Variants in LIPF observed in about 807,000 individuals in gnomAD.
LIPF encodes the protein gastric triacylglycerol lipase.
LIPF carries 25 observed loss-of-function variants against 38.0 expected under a neutral mutation model. The ratio of observed to expected loss-of-function variants is 0.66; its 90% CI spans 0.48 to 0.92. The LOEUF (loss-of-function observed/expected upper bound fraction) is 0.92, where lower values mean the gene tolerates loss of function less well. Ranked by LOEUF, LIPF falls within the 40% of genes least tolerant of loss-of-function variation. The pLI, the probability that LIPF is intolerant of heterozygous loss-of-function variation, is 0.00. For missense variants in LIPF, 410 were observed against 469.9 expected (o/e 0.87, Z 1.18); for synonymous variants, 161 against 156.2 (o/e 1.03, Z -0.23).
chr10:88,676,326 C>A, intron 9 of LIPF, 46 bp downstream of exon 9: 2 of 1,130,722 alleles, frequency 1.8e-6, no homozygotes, highest in Non-Finnish European at 2.6e-6. Flanking sequence ...AACAACAATA[C>A]TAACTATTTA....
intron 7 of LIPF, among the ~76,000 whole-genome samples, chr10:88,674,231 C>T (rs1293571853): frequency 9.9e-5 from 15 of 152,154 alleles, no homozygotes; most frequent in African/African-American, 3.4e-4. Flanking sequence ...TGCAGTGGCG[C>T]AATCTCGGCT....
rs1309772154 is a variant in LIPF, at chr10:88,669,884, T to C, written c.470T>C (p.Ile157Thr). The change falls in exon 5 of 10, where the codon ATT becomes ACT. Residue 157 changes from isoleucine to threonine, a missense_variant. Transcript: ENST00000238983. ...KYDLPATIDF[I>T]VKKTGQKQLH... The stretch of plus-strand genomic sequence containing the variant: ...GACCTTCCAGCCACAATCGACTTCA[T>C]TGTAAAGAAAACTGGACAGAAGCAG... 6.2e-7 allele frequency: 1 copy of C among 1,613,704 alleles called. No homozygotes were observed. The highest frequency in any genetic ancestry group is 8.5e-7 in the Non-Finnish European group (1 of 1,179,692).
chr10:88,667,595 C>A lies in LIPF; in HGVS notation c.132C>A (p.Tyr44Ter), dbSNP rs897792600. Residue 44 changes from tyrosine (Y) to a stop codon, truncating the protein, a stop_gained, in exon 3 of 10, where the codon TAC becomes TAA. Coordinates refer to ENST00000238983, the MANE Select transcript of LIPF (RefSeq NM_004190.4). LOFTEE classifies it high-confidence loss of function. Reference protein sequence around the residue: ...NISQMITYWGYPNEEYEVVTE... With the variant: ...NISQMITYWG The stretch of plus-strand genomic sequence containing the variant: ...GTCAGATGATTACTTATTGGGGATA[C>A]CCAAATGAAGAATATGAAGTTGTGA... The A allele has an allele frequency of 1.3e-6, 2 of 1,596,632 alleles. No individual in the cohort carries two copies. Among genetic ancestry groups the A allele is most frequent in the Non-Finnish European group, 1.7e-6 (2 of 1,165,350 alleles).
At chr10:88,675,456 T>C in intron 7 of LIPF, 130 bp from the exon 8 acceptor site, 1 of 701,928 alleles carries the variant, frequency 1.4e-6, no homozygotes, top group Non-Finnish European at 2.5e-6. Flanking sequence ...AAATGTGTTG[T>C]TCATATCCTT....
intron 3 of LIPF, among the ~76,000 whole-genome samples, chr10:88,668,021 A>G (rs763167954): frequency 5.3e-5 from 8 of 152,200 alleles, no homozygotes; most frequent in Non-Finnish European, 1.0e-4. Context: ...AAGGGAGTCA[A>G]GGAAAGCTCA....
intron 7 of LIPF, among the ~76,000 whole-genome samples, chr10:88,673,996 G>C (rs1051450026): frequency 5.3e-5 from 8 of 152,072 alleles, no homozygotes; most frequent in Non-Finnish European, 1.2e-4. Context: ...TAAATACTAG[G>C]TGTTACATTT....
intron 9 of LIPF, among the ~76,000 whole-genome samples, chr10:88,676,739 G>T (rs1000974982): frequency 6.6e-6 from 1 of 152,182 alleles, no homozygotes; most frequent in South Asian, 2.1e-4. Context: ...TGCCGTGCTT[G>T]CAGGTCAAGG....
At chr10:88,673,497 C>T (rs961744091) in intron 6 of LIPF, 91 bp from the exon 7 acceptor site, 7 of 923,838 alleles carry the variant, frequency 7.6e-6, no homozygotes, top group Non-Finnish European at 1.0e-5. Flanking sequence ...TCATCATCCT[C>T]ATCACACATG....
At chr10:88,667,928 TATA>T (rs1841539597) in intron 3 of LIPF, among the ~76,000 whole-genome samples, 1 of 152,192 alleles carries the variant, frequency 6.6e-6, no homozygotes. Context: ...AATGAGTGAT[TATA>T]ATAATATGTG....
Position 88,668,597 on chromosome 10 carries a change from C to T in LIPF, c.263C>T (p.Ala88Val), listed in dbSNP as rs774364374. ...GTGTTTTTGCAGCATGGTTTGCTTG[C>T]ATCAGCCACAAACTGGATTTCCAAC... is the stretch of plus-strand genomic sequence containing the variant. ...PVVFLQHGLL[A>V]SATNWISNLP... The change falls in exon 4 of 10, where the codon GCA (alanine) becomes GTA (valine). Residue 88 changes from alanine to valine, a missense_variant. Coordinates refer to ENST00000238983, the MANE Select transcript of LIPF (RefSeq NM_004190.4). 7 of 1,614,174 alleles carry T rather than the reference C, an allele frequency of 4.3e-6. No homozygotes were observed. In the South Asian group the frequency reaches 7.7e-5, roughly 18 times the overall value.
chr10:88,669,029 C>A (rs1841556182), intron 4 of LIPF: 2 of 348,740 alleles, frequency 5.7e-6, no homozygotes, highest in East Asian at 9.5e-5. Context: ...AGGAAACTCA[C>A]AGCCCCTGGA....
chr10:88,671,719 A>C, intron 5 of LIPF, 110 bp from the exon 6 acceptor site: 1 of 1,438,790 alleles, frequency 7.0e-7, no homozygotes, highest in South Asian at 1.6e-5. Context: ...AGGCTGTCTC[A>C]AACACCATCC....
In LIPF at chr10:88,667,366, A is replaced by G; in HGVS notation, c.69A>G (p.Lys23=). Residue 23 remains lysine (K), a synonymous_variant, in exon 2 of 10, where the codon AAA becomes AAG. Coordinates refer to ENST00000238983, the MANE Select transcript of LIPF (RefSeq NM_004190.4). ...VLGTTHGLFG[K]LHPGSPEVTM... is the part of the protein sequence containing the mutation. Reference sequence around the variant, plus strand: ...GGACTACACATGGTTTGTTTGGAAAATTACATCCTGGAAGCCCTGAAGTGA... The same window carrying G: ...GGACTACACATGGTTTGTTTGGAAAGTTACATCCTGGAAGCCCTGAAGTGA... The G allele has an allele frequency of 6.2e-7, 1 of 1,612,308 alleles. No individual in the cohort carries two copies. The highest frequency in any genetic ancestry group is 8.5e-7 in the Non-Finnish European group (1 of 1,178,428).
chr10:88,675,590 G>T lies in LIPF; in HGVS notation c.821G>T (p.Arg274Leu), dbSNP rs79058739. The change falls in exon 8 of 10, where the codon CGC becomes CTC. Residue 274 changes from arginine to leucine, a missense_variant. Arg to Leu is a moderately radical substitution (Grantham distance 102). Transcript: ENST00000238983. The stretch of plus-strand genomic sequence containing the variant: ...TGTGTGTCTGTTGATTTCTAGAGTC[G>T]CTTGGATGTGTATCTATCACATAAT... ...GFDSKNFNTS[R>L]LDVYLSHNPA... 7.5e-6 allele frequency: 12 copies of T among 1,606,932 alleles called. No homozygotes were observed. The highest frequency in any genetic ancestry group is 6.7e-5 in the Admixed American group (4 of 59,980).
In LIPF at chr10:88,676,277, T is replaced by A. The variant is rs1265115271; in HGVS notation, c.957T>A (p.Asp319Glu). The A allele has an allele frequency of 4.4e-6, 7 of 1,583,896 alleles. No individual in the cohort carries two copies. Among genetic ancestry groups the A allele is most frequent in the Non-Finnish European group, 6.0e-6 (7 of 1,158,970 alleles). ...GSPVQNRMHY[D>E]QSQPPYYNVT... Reference sequence around the variant, plus strand: ...CAGTTCAGAATAGGATGCACTATGATCAGGTAAGCTTCTTAAAGATGGAAT... The same window carrying A: ...CAGTTCAGAATAGGATGCACTATGAACAGGTAAGCTTCTTAAAGATGGAAT... The change falls in exon 9 of 10, where the codon GAT becomes GAA. Residue 319 changes from aspartate to glutamate, a missense_variant. Asp to Glu is a conservative substitution (Grantham distance 45, BLOSUM62 2). Transcript: ENST00000238983.
chr10:88,671,807 C>T (rs1461025211), intron 5 of LIPF, 22 bp from the exon 6 acceptor site: 4 of 1,601,884 alleles, frequency 2.5e-6, no homozygotes, highest in Non-Finnish European at 3.4e-6. Flanking sequence ...ACCTTTTTCA[C>T]CAGTTCCTTG....
intron 7 of LIPF, 184 bp from the exon 8 acceptor site, chr10:88,675,402 G>A: frequency 1.8e-6 from 1 of 542,292 alleles, no homozygotes; most frequent in Admixed American, 3.5e-5. Flanking sequence ...AATTAAATGG[G>A]TTAACACATG....
chr10:88,676,821 T>TA (rs1841693232), intron 9 of LIPF, among the ~76,000 whole-genome samples: 1 of 152,218 alleles, frequency 6.6e-6, no homozygotes, highest in Admixed American at 6.5e-5. Flanking sequence ...ACACTTGCTG[T>TA]AATAAGAATC....
At chr10:88,665,544 T>A in intron 1 of LIPF, 1 of 1,535,440 alleles carries the variant, frequency 6.5e-7, no homozygotes, top group Non-Finnish European at 8.7e-7. Flanking sequence ...CATTGAGATG[T>A]TCTCCAACGC....
Sources: gnomAD v4.1 joint callset for allele counts (sites outside exome capture counted in the v4.1 genomes callset) on GRCh38, gnomAD v4.1.1 for gene constraint, MANE v1.5 for transcripts, NCBI Gene and HGNC (gene_info 2026-07-23, HGNC 2026-07-21) for gene names.